The following DAPK1 variants were observed in gnomAD, a reference collection of about 807,000 sequenced individuals.
DAPK1 encodes the protein death associated protein kinase 1.
Under a neutral mutation model 144.9 loss-of-function variants are expected in DAPK1, and 56 were observed. The observed-to-expected ratio is 0.39, with a 90% confidence interval of 0.31 to 0.48. DAPK1 has a LOEUF of 0.48. Ranked by LOEUF, DAPK1 falls within the 20% of genes least tolerant of loss-of-function variation. The pLI, the probability that DAPK1 is intolerant of heterozygous loss-of-function variation, is 0.95. For synonymous variants in DAPK1, 690 were observed against 749.0 expected (o/e 0.92, Z 1.29); for missense variants, 1,454 against 1,875.4 (o/e 0.78, Z 4.15).
At position 87,568,165 on chromosome 9, in the gene DAPK1, C is replaced by T. The variant is rs186552248; in HGVS notation, c.63-36789C>T. ...CATAAGGCACCGGGGAGCTGCGGGC[C>T]TGTGTCCAGCTGGAGCGCACGGGGC... On this transcript the variant is annotated intron_variant, in intron 2 of 25. Coordinates refer to ENST00000408954, the MANE Select transcript of DAPK1 (RefSeq NM_004938.4). Among the ~76,000 whole-genome samples the T allele has an allele frequency of 2.4e-4, 37 of 152,358 alleles. No individual in the cohort carries two copies. The East Asian group carries it at 6.8e-3, about 28-fold the overall frequency.
chr9:87,595,642 C>T (rs1828287822), intron 2 of DAPK1, among the ~76,000 whole-genome samples: 1 of 152,250 alleles, frequency 6.6e-6, no homozygotes, highest in Non-Finnish European at 1.5e-5. Context: ...GGCCTTGGGT[C>T]CTCGGTTATG....
At chr9:87,682,504 T>G (rs1045748764) in intron 20 of DAPK1, among the ~76,000 whole-genome samples, 1 of 152,172 alleles carries the variant, frequency 6.6e-6, no homozygotes, top group Non-Finnish European at 1.5e-5. Context: ...TGCTAAAGTT[T>G]GTGTTTCTCT....
Position 87,684,722 on chromosome 9 carries a change from GGAATT to G in DAPK1, c.2225-1828_2225-1824del, listed in dbSNP as rs1824777779. On this transcript the variant is annotated intron_variant, in intron 20 of 25. Transcript: ENST00000408954. Reference sequence around the variant, plus strand: ...TTCCCGCGGAGAGGAGCCTGCGGGAGGAATTCCCGGTGACCAGGTAAAGTGGGTCT... The same window carrying G: ...TTCCCGCGGAGAGGAGCCTGCGGGAGCCCGGTGACCAGGTAAAGTGGGTCT... Among the ~76,000 whole-genome samples the G allele has an allele frequency of 2.0e-5, 3 of 152,052 alleles. No individual in the cohort carries two copies. In the South Asian group the frequency reaches 6.2e-4, roughly 32 times the overall value.
chr9:87,628,205 C>T (rs1012669244), intron 3 of DAPK1, among the ~76,000 whole-genome samples: 7 of 152,172 alleles, frequency 4.6e-5, no homozygotes, highest in African/African-American at 1.7e-4. Context: ...AGAATCCATG[C>T]GGCTCCTTTT....
At chr9:87,611,695 C>A (rs1669932627) in intron 3 of DAPK1, among the ~76,000 whole-genome samples, 1 of 152,146 alleles carries the variant, frequency 6.6e-6, no homozygotes, top group African/African-American at 2.4e-5. Flanking sequence ...GCTTATGCAG[C>A]CCTCTCACCC....
chr9:87,531,819 G>C (rs1203264929), intron 2 of DAPK1, among the ~76,000 whole-genome samples: 1 of 152,184 alleles, frequency 6.6e-6, no homozygotes, highest in Non-Finnish European at 1.5e-5. Context: ...TGCAGGAAGA[G>C]AGGCAAGTCT....
intron 1 of DAPK1, 85 bp downstream of exon 1, chr9:87,498,192 C>A (rs966252403): frequency 2.5e-6 from 1 of 396,590 alleles, no homozygotes; most frequent in African/African-American, 2.1e-5. Flanking sequence ...TGGGGTTTGT[C>A]CGGGCAGTGC....
In DAPK1 at chr9:87,498,996, T is replaced by G; in HGVS notation, c.-82T>G. 9.1e-7 allele frequency: 1 copy of G among 1,103,908 alleles called. No homozygotes were observed. The allele number at this position is 1,103,908 out of a possible 1,614,324, so 68.4% of individuals were successfully genotyped here. ...ACTGGAGACTGATGCATGAGGGGGC[T>G]ACGGAGGCGCAGGAGCGGTGGTGAT... On this transcript the variant is annotated 5_prime_UTR_variant, in exon 2 of 26. Coordinates refer to ENST00000408954, the MANE Select transcript of DAPK1 (RefSeq NM_004938.4).
At chr9:87,594,857 T>C (rs967041460) in intron 2 of DAPK1, among the ~76,000 whole-genome samples, 8 of 152,214 alleles carry the variant, frequency 5.3e-5, no homozygotes, top group Non-Finnish European at 8.8e-5. Flanking sequence ...GCACCAGGCC[T>C]GAGGAGGTGG....
intron 3 of DAPK1, among the ~76,000 whole-genome samples, chr9:87,629,697 T>C (rs1487409433): frequency 6.6e-6 from 1 of 152,114 alleles, no homozygotes; most frequent in East Asian, 1.9e-4. Context: ...AAGTATACAT[T>C]TAGGATCAAA....
At chr9:87,664,694 C>T (rs1183203856) in intron 18 of DAPK1, among the ~76,000 whole-genome samples, 1 of 152,216 alleles carries the variant, frequency 6.6e-6, no homozygotes, top group Non-Finnish European at 1.5e-5. Context: ...GGGCTCCCTG[C>T]TTCCACCCTT....
chr9:87,584,170 A>G (rs1031285122), intron 2 of DAPK1, among the ~76,000 whole-genome samples: 2 of 152,220 alleles, frequency 1.3e-5, no homozygotes, highest in Non-Finnish European at 2.9e-5. Flanking sequence ...ATTACCTCAC[A>G]TGGTTATCAT....
chr9:87,686,723 G>C lies in DAPK1; in HGVS notation c.2397G>C (p.Gln799His). 1 of 1,612,608 alleles carries C rather than the reference G, an allele frequency of 6.2e-7. No individual in the cohort carries two copies. The highest frequency in any genetic ancestry group is 1.1e-5 in the South Asian group (1 of 90,922). ...AGTCCACCAAGGCCATCGACATCCA[G>C]AACGCTTATTTGAATGGTATGCCCT... The part of the protein sequence containing the change: ...DDQSTKAIDI[Q>H]NAYLNGVGDF... Residue 799 changes from glutamine to histidine, a missense_variant, in exon 21 of 26, where the codon CAG becomes CAC. Around this residue, in one of 2 missense-constraint regions of DAPK1, gnomAD observed 1,025 missense variants for 1,237.9 expected, o/e 0.83. Transcript: ENST00000408954. The surrounding 1 kb of genome is among the most constrained non-coding windows in gnomAD (Gnocchi z 4.2).
At chr9:87,578,008 A>C (rs745969540) in intron 2 of DAPK1, among the ~76,000 whole-genome samples, 1 of 152,148 alleles carries the variant, frequency 6.6e-6, no homozygotes, top group African/African-American at 2.4e-5. Flanking sequence ...CCCACAGGCC[A>C]TAGAACATTT....
chr9:87,645,811 A>G (rs1830246993), intron 11 of DAPK1, 84 bp from the exon 12 acceptor site: 1 of 1,537,200 alleles, frequency 6.5e-7, no homozygotes, highest in Admixed American at 1.8e-5. Flanking sequence ...CCTGTTAACA[A>G]GTGAGCACAG....
At chr9:87,613,498 A>G (rs765064614) in intron 3 of DAPK1, among the ~76,000 whole-genome samples, 46 of 152,202 alleles carry the variant, frequency 3.0e-4, no homozygotes, top group Non-Finnish European at 5.7e-4. Flanking sequence ...CAGTTGGCTC[A>G]CTCTCTCATA....
At chr9:87,661,052 A>G (rs752246298) in intron 18 of DAPK1, among the ~76,000 whole-genome samples, 2 of 152,102 alleles carry the variant, frequency 1.3e-5, no homozygotes, top group African/African-American at 4.8e-5. Flanking sequence ...GTTGGCCAGG[A>G]TGGTCTGGAT....
At chr9:87,701,623 G>A (rs1825455457) in intron 24 of DAPK1, among the ~76,000 whole-genome samples, 1 of 152,052 alleles carries the variant, frequency 6.6e-6, no homozygotes, top group Non-Finnish European at 1.5e-5. Context: ...GAGAAGTGGT[G>A]GCATTCACTC....
chr9:87,640,667 G>A lies in DAPK1; in HGVS notation c.783-135G>A, dbSNP rs36211677. The A allele has an allele frequency of 2.5e-3, 2,718 of 1,066,228 alleles. 53 individuals are homozygous for A. The African/African-American group carries it at 0.036, about 14-fold the overall frequency. The allele number at this position is 1,066,228 out of a possible 1,614,324, so 66.0% of individuals were successfully genotyped here. A position where few individuals can be genotyped will look rare whatever the true frequency, so the allele number is the denominator to read the frequency against. On this transcript the variant is annotated intron_variant, in intron 8 of 25. Coordinates refer to ENST00000408954, the MANE Select transcript of DAPK1 (RefSeq NM_004938.4). ...ACAGTGAAATAATCACAAAAAGACC[G>A]ATGTTGTTTTTGGCTTTCTTCCCTG...
Sources: gnomAD v4.1 joint callset for allele counts (sites outside exome capture counted in the v4.1 genomes callset) on GRCh38, gnomAD v4.1.1 for gene constraint, gnomAD v4.1.1 regional missense constraint, Gnocchi (gnomAD v3.1) non-coding constraint, MANE v1.5 for transcripts, NCBI Gene and HGNC (gene_info 2026-07-23, HGNC 2026-07-21) for gene names.